Variants in TAF6L observed in about 807,000 individuals in gnomAD.
TAF6L encodes the protein TAF6-like RNA polymerase II p300/CBP-associated factor-associated factor 65 kDa subunit 6L.
A neutral mutation model predicts 57.3 loss-of-function variants in TAF6L; 34 were observed. That is an observed-to-expected ratio of 0.59 (90% CI 0.45 to 0.79). The LOEUF is 0.79. Among genes scored for constraint, TAF6L ranks in the 30% least tolerant of loss-of-function variants. The pLI, the probability that TAF6L is intolerant of heterozygous loss-of-function variation, is 0.00. For missense variants in TAF6L, 782 were observed against 853.2 expected (o/e 0.92, Z 1.04); for synonymous variants, 417 against 376.3 (o/e 1.11, Z -1.25).
At position 62,775,716 on chromosome 11, in the gene TAF6L, C is replaced by T. The variant is rs553696667; in HGVS notation, c.-13-55C>T. ...GGTGTGGAGGGTGTTGGATCACACT[C>T]CTGGGCTCTCCGGGAGGCTGGGCAG... On this transcript the variant is annotated intron_variant, in intron 1 of 10. Coordinates refer to ENST00000294168, the MANE Select transcript of TAF6L (RefSeq NM_006473.4). The T allele has an allele frequency of 8.3e-5, 129 of 1,546,582 alleles. No individual in the cohort carries two copies. The African/African-American group carries it at 1.6e-3, about 20-fold the overall frequency.
At chr11:62,775,083 A>C (rs896784300) in intron 1 of TAF6L, among the ~76,000 whole-genome samples, 9 of 151,686 alleles carry the variant, frequency 5.9e-5, no homozygotes, top group Admixed American at 2.6e-4. Context: ...AAAAAAAAGA[A>C]AAGACTGGGT....
chr11:62,787,121 C>T lies in TAF6L; in HGVS notation c.1694C>T (p.Ala565Val). 6.4e-7 allele frequency: 1 copy of T among 1,556,008 alleles called. No individual in the cohort carries two copies. Among genetic ancestry groups the T allele is most frequent in the Non-Finnish European group, 8.6e-7 (1 of 1,159,128 alleles). Residue 565 changes from alanine to valine, a missense_variant, in exon 11 of 11, where the codon GCC becomes GTC. Ala to Val is a moderately conservative substitution (Grantham distance 64). Transcript: ENST00000294168. The part of the protein sequence containing the change: ...RGAPHFRFII[A>V]GRQAGRRCRG... ...GCCCCGCACTTTCGTTTCATCATAG[C>T]CGGGCGGCAGGCTGGGAGGCGCTGC... is the stretch of plus-strand genomic sequence containing the variant.
Position 62,786,955 on chromosome 11 carries a change from C to G in TAF6L, c.1528C>G (p.Pro510Ala). Residue 510 changes from proline to alanine, a missense_variant, in exon 11 of 11, where the codon CCC (proline) becomes GCC (alanine). This residue lies in a region of TAF6L where 483 missense variants were observed against 445.1 expected (regional missense o/e 1.09). Coordinates refer to ENST00000294168, the MANE Select transcript of TAF6L (RefSeq NM_006473.4). ...ESPRGSGGGG[P>A]ASASGPAASE... ...CCCCCGGGGCAGCGGCGGAGGCGGC[C>G]CCGCGTCGGCCTCTGGGCCCGCCGC... 1 of 1,447,672 alleles carries G rather than the reference C, an allele frequency of 6.9e-7. No individual in the cohort carries two copies. The highest frequency in any genetic ancestry group is 9.0e-7 in the Non-Finnish European group (1 of 1,111,028). The allele number at this position is 1,447,672 out of a possible 1,614,324, so 89.7% of individuals were successfully genotyped here. A position where few individuals can be genotyped will look rare whatever the true frequency, so the allele number is the denominator to read the frequency against.
Position 62,771,485 on chromosome 11 carries a change from C to G in TAF6L, c.-19C>G, listed in dbSNP as rs2084146521. On this transcript the variant is annotated 5_prime_UTR_variant, in exon 1 of 11. Transcript: ENST00000294168. ...GTAGCAGCCTTCGCCACGCCGGGGTCTTCAGGTGAGCAGGCCTTGCTCTGG... is the reference window on the plus strand; with the variant it reads ...GTAGCAGCCTTCGCCACGCCGGGGTGTTCAGGTGAGCAGGCCTTGCTCTGG... The G allele has an allele frequency of 6.4e-6, 1 of 156,842 alleles. No individual in the cohort carries two copies. The highest frequency in any genetic ancestry group is 1.6e-4 in the South Asian group (1 of 6,116). The allele number at this position is 156,842 out of a possible 1,614,324, so 9.7% of individuals were successfully genotyped here.
chr11:62,780,812 C>G (rs1028075816), intron 6 of TAF6L, among the ~76,000 whole-genome samples: 1 of 150,620 alleles, frequency 6.6e-6, no homozygotes, highest in African/African-American at 2.4e-5. Flanking sequence ...TGGCATGCGT[C>G]TGTAATCCTA....
chr11:62,779,976 A>ATATT (rs1294367864), intron 6 of TAF6L, among the ~76,000 whole-genome samples: 2 of 52,628 alleles, frequency 3.8e-5, no homozygotes, highest in African/African-American at 7.7e-5. Flanking sequence ...ATATATATAT[A>ATATT]TTTTTTTTTT....
rs145137913 is a variant in TAF6L at position 62,778,008 on chromosome 11, C to T, written c.265C>T (p.Leu89=). ...GTGTGGTTACGGATCACAGGAGGCA[C>T]TGCCCATGCGCCCCGCCAGGGAGGG... ...AVCGYGSQEA[L]PMRPAREGEL... The change falls in exon 4 of 11, where the codon CTG becomes TTG. Residue 89 remains leucine, a synonymous_variant. Transcript: ENST00000294168. 4 of 1,614,098 alleles carry T rather than the reference C, an allele frequency of 2.5e-6. No individual in the cohort carries two copies. The African/African-American group carries it at 5.3e-5, about 22-fold the overall frequency.
chr11:62,782,798 GGT>G lies in TAF6L; in HGVS notation c.935_936del (p.Val312GlyfsTer31). The stretch of plus-strand genomic sequence containing the variant: ...CGCTCTGCTGCCACTATGGAGCCGT[GGT>G]GGGGCTGCATGCTCTTGGCTGGAAG... ...RPLCCHYGAV[V>X]GLHALGWKAV... On this transcript the variant is annotated frameshift_variant, in exon 9 of 11. Coordinates refer to ENST00000294168, the MANE Select transcript of TAF6L (RefSeq NM_006473.4). LOFTEE classifies it high-confidence loss of function. The G allele has an allele frequency of 6.2e-7, 1 of 1,613,944 alleles. No individual in the cohort carries two copies.
At chr11:62,782,630 C>T (rs2084238836) in intron 8 of TAF6L, 63 bp from the exon 9 acceptor site, 1 of 1,591,782 alleles carries the variant, frequency 6.3e-7, no homozygotes, top group Admixed American at 1.7e-5. Flanking sequence ...TTTGTGTTGT[C>T]TTGTGCCCTG....
At chr11:62,782,550 C>T (rs2084238107) in intron 8 of TAF6L, 143 bp from the exon 9 acceptor site, 1 of 1,273,198 alleles carries the variant, frequency 7.9e-7, no homozygotes, top group Non-Finnish European at 1.1e-6. Context: ...AGGTCCTAGG[C>T]CAGTCACCCC....
Position 62,786,936 on chromosome 11 carries a change from G to A in TAF6L, c.1509G>A (p.Arg503=). ...IVSPHGDESP[R]GSGGGGPASA... ...GCCCGCACGGCGACGAGAGCCCCCG[G>A]GGCAGCGGCGGAGGCGGCCCCGCGT... The change falls in exon 11 of 11, where the codon CGG becomes CGA. Residue 503 remains arginine (R), a synonymous_variant. Coordinates refer to ENST00000294168, the MANE Select transcript of TAF6L (RefSeq NM_006473.4). 6.8e-7 allele frequency: 1 copy of A among 1,466,624 alleles called. No homozygotes were observed. Among genetic ancestry groups the A allele is most frequent in the Non-Finnish European group, 8.9e-7 (1 of 1,118,998 alleles). 90.9% of individuals were successfully genotyped at this position (1,466,624 alleles called of 1,614,324 possible).
intron 3 of TAF6L, among the ~76,000 whole-genome samples, chr11:62,777,340 GAAA>G (rs1248503640): frequency 6.6e-6 from 1 of 151,948 alleles, no homozygotes; most frequent in Non-Finnish European, 1.5e-5. Context: ...ACAAAAAAAA[GAAA>G]AAAAGACTAA....
At position 62,778,857 on chromosome 11, in the gene TAF6L, G is replaced by GT; in HGVS notation, c.437-11dup. 1 of 1,613,186 alleles carries GT rather than the reference G, an allele frequency of 6.2e-7. No individual in the cohort carries two copies. Among genetic ancestry groups the GT allele is most frequent in the Non-Finnish European group, 8.5e-7 (1 of 1,179,382 alleles). On this transcript the variant is annotated splice_polypyrimidine_tract_variant and intron_variant, in intron 5 of 10. Transcript: ENST00000294168. ...CTCCACCTGTCCCTGCTTCCTGCCT[G>GT]TCCTCTGGCAGTGCCCAGTGCTGTG...
At chr11:62,781,851 A>T in intron 6 of TAF6L, 43 bp from the exon 7 acceptor site, 2 of 1,561,016 alleles carry the variant, frequency 1.3e-6, no homozygotes, top group Non-Finnish European at 1.8e-6. Flanking sequence ...CATGTTTTAC[A>T]ATTTTCTGGT....
At chr11:62,782,620 TTTGTG>T in intron 8 of TAF6L, 68 bp from the exon 9 acceptor site, 16 of 1,578,842 alleles carry the variant, frequency 1.0e-5, no homozygotes, top group Non-Finnish European at 1.3e-5. Flanking sequence ...TGCTATTCTC[TTTGTG>T]TTGTCTTGTG....
chr11:62,773,448 ATTT>A (rs112592058), intron 1 of TAF6L, among the ~76,000 whole-genome samples: 2 of 135,794 alleles, frequency 1.5e-5, no homozygotes, highest in Non-Finnish European at 1.6e-5. Flanking sequence ...CCGGCCTACA[ATTT>A]TTTTTTTTTT....
intron 8 of TAF6L, 76 bp downstream of exon 8, chr11:62,782,409 C>G (rs2084237254): frequency 6.7e-7 from 1 of 1,487,878 alleles, no homozygotes; most frequent in Admixed American, 1.9e-5. Context: ...TGGGGCGAAG[C>G]CTCTGGCTTT....
chr11:62,777,860 A>G, intron 3 of TAF6L, 118 bp from the exon 4 acceptor site: 2 of 1,234,276 alleles, frequency 1.6e-6, no homozygotes, highest in Non-Finnish European at 2.2e-6. Context: ...TTTTCTTGGG[A>G]CTTCTGGACT....
intron 6 of TAF6L, among the ~76,000 whole-genome samples, chr11:62,779,952 C>CCATATA (rs1332185092): frequency 1.0e-5 from 1 of 100,064 alleles, no homozygotes; most frequent in African/African-American, 4.5e-5. Context: ...AGGCGTGAGC[C>CCATATA]TATATATATA....
Sources: allele counts gnomAD v4.1 joint callset (sites outside exome capture counted in the v4.1 genomes callset), GRCh38; gene constraint gnomAD v4.1.1; regional missense constraint gnomAD v4.1.1; transcripts MANE v1.5; gene names NCBI Gene and HGNC (gene_info 2026-07-23, HGNC 2026-07-21).